Variants in SCFD2 observed in about 807,000 individuals in gnomAD.
The protein encoded by SCFD2 is sec1 family domain containing 2, also known as sec1 family domain-containing protein 2.
In SCFD2, 54 loss-of-function variants were observed where a neutral mutation model predicts 58.9. That is an observed-to-expected ratio of 0.92 (90% CI 0.74 to 1.15). The LOEUF is 1.15. Among genes scored for constraint, SCFD2 ranks in the 50% most tolerant of loss-of-function variants. The pLI is 0.00. For missense variants in SCFD2, 805 were observed against 836.6 expected (o/e 0.96, Z 0.47); for synonymous variants, 321 against 335.9 (o/e 0.96, Z 0.49).
At chr4:53,002,592 T>C (rs1344914293) in intron 5 of SCFD2, among the ~76,000 whole-genome samples, 1 of 152,190 alleles carries the variant, frequency 6.6e-6, no homozygotes, top group Non-Finnish European at 1.5e-5. Context: ...GCCCCTCCTA[T>C]GAGCCTTGAT....
rs1296866912 is a variant in SCFD2 at position 52,989,208 on chromosome 4, A to T, written c.1562-68338T>A. 4.6e-5 allele frequency among the ~76,000 whole-genome samples: 7 copies of T among 152,206 alleles called. 1 individual carries two copies. Among genetic ancestry groups the T allele is most frequent in the Admixed American group, 4.6e-4 (7 of 15,278 alleles). Reference sequence around the variant, plus strand: ...ACAAATGGAACAAGAAACTTGGATGATGTCCCTAGTTCTGTGACTAATTTG... The same window carrying T: ...ACAAATGGAACAAGAAACTTGGATGTTGTCCCTAGTTCTGTGACTAATTTG... On this transcript the variant is annotated intron_variant, in intron 5 of 8. Coordinates refer to ENST00000401642, the MANE Select transcript of SCFD2 (RefSeq NM_152540.4).
At chr4:53,105,137 G>C (rs1371163126) in intron 5 of SCFD2, among the ~76,000 whole-genome samples, 5 of 152,052 alleles carry the variant, frequency 3.3e-5, no homozygotes, top group African/African-American at 9.7e-5. Flanking sequence ...GTGCCATGAG[G>C]AATGGTGCAC....
rs191699979 is a variant in SCFD2 at position 53,313,086 on chromosome 4, T to C, written c.1135+550A>G. ...ATTCATCTAATACCAAAGACAAAGA[T>C]GGATGTGAAAAAAAACAAGAAATAG... is the stretch of plus-strand genomic sequence containing the variant. On this transcript the variant is annotated intron_variant, in intron 3 of 8. Coordinates refer to ENST00000401642, the MANE Select transcript of SCFD2 (RefSeq NM_152540.4). Among the ~76,000 whole-genome samples the C allele has an allele frequency of 2.9e-3, 438 of 151,928 alleles. 1 individual carries two copies. Among genetic ancestry groups the C allele is most frequent in the African/African-American group, 0.01 (415 of 41,418 alleles).
At chr4:53,223,045 T>C (rs1729095201) in intron 4 of SCFD2, among the ~76,000 whole-genome samples, 1 of 152,162 alleles carries the variant, frequency 6.6e-6, no homozygotes, top group South Asian at 2.1e-4. Context: ...AGAATGGAGC[T>C]AATAAGCTCA....
At chr4:53,343,596 C>G (rs1468571961) in intron 2 of SCFD2, among the ~76,000 whole-genome samples, 1 of 152,200 alleles carries the variant, frequency 6.6e-6, no homozygotes, top group Non-Finnish European at 1.5e-5. Flanking sequence ...CTCCCTCACT[C>G]ATTTTATGAG....
chr4:53,145,569 G>A lies in SCFD2; in HGVS notation c.1325C>T (p.Ser442Leu). The change falls in exon 5 of 9, where the codon TCA becomes TTA. Residue 442 changes from serine (S) to leucine (L), a missense_variant. Physicochemically the swap from Ser to Leu is moderately radical, Grantham distance 145. This residue lies in a region of SCFD2 where 633 missense variants were observed against 646.8 expected (regional missense o/e 0.98). Transcript: ENST00000401642. ...CTGATTTAACACAACGGACATTGCT[G>A]ACTCCCCAATGCTCTAAAATAAAAA... is the stretch of plus-strand genomic sequence containing the variant. ...ERLLLQSIGE[S>L]AMSVVLNQLL... 6.2e-7 allele frequency: 1 copy of A among 1,613,462 alleles called. No individual in the cohort carries two copies. The highest frequency in any genetic ancestry group is 1.1e-5 in the South Asian group (1 of 90,880).
intron 8 of SCFD2, among the ~76,000 whole-genome samples, chr4:52,883,549 T>G (rs1220513056): frequency 1.3e-5 from 2 of 152,150 alleles, no homozygotes; most frequent in Non-Finnish European, 2.9e-5. Context: ...CACTGTAGAT[T>G]CCGGGGCTCT....
At chr4:53,099,444 A>C (rs1724765696) in intron 5 of SCFD2, among the ~76,000 whole-genome samples, 1 of 152,180 alleles carries the variant, frequency 6.6e-6, no homozygotes, top group African/African-American at 2.4e-5. Context: ...TGTTGCTATG[A>C]AGGAATATCT....
intron 5 of SCFD2, among the ~76,000 whole-genome samples, chr4:53,140,021 A>G (rs527291663): frequency 1.3e-5 from 2 of 152,040 alleles, no homozygotes; most frequent in African/African-American, 4.8e-5. Flanking sequence ...GCTCGTTAAG[A>G]GTCATCACCA....
chr4:52,925,195 C>G (rs1223754925), intron 5 of SCFD2, among the ~76,000 whole-genome samples: 1 of 151,956 alleles, frequency 6.6e-6, no homozygotes, highest in Non-Finnish European at 1.5e-5. Flanking sequence ...TACAGTCTAA[C>G]TCCAAAGTTG....
At chr4:53,004,474 G>A (rs1411560139) in intron 5 of SCFD2, among the ~76,000 whole-genome samples, 5 of 152,112 alleles carry the variant, frequency 3.3e-5, no homozygotes, top group Non-Finnish European at 7.4e-5. Flanking sequence ...ACACATGCCC[G>A]GCATTTACTA....
intron 5 of SCFD2, among the ~76,000 whole-genome samples, chr4:52,973,153 G>A (rs1311341280): frequency 6.6e-6 from 1 of 152,008 alleles, no homozygotes; most frequent in African/African-American, 2.4e-5. Context: ...CAGAAGGCAA[G>A]AAATAACTAA....
chr4:52,967,587 T>C (rs1720990446), intron 5 of SCFD2, among the ~76,000 whole-genome samples: 1 of 152,220 alleles, frequency 6.6e-6, no homozygotes, highest in Non-Finnish European at 1.5e-5. Flanking sequence ...GTAATGTCTC[T>C]CAGTTCCTGC....
intron 7 of SCFD2, among the ~76,000 whole-genome samples, chr4:52,887,147 TA>T (rs1486050734): frequency 1.3e-5 from 2 of 152,202 alleles, no homozygotes; most frequent in African/African-American, 2.4e-5. Flanking sequence ...GTGGAATTAA[TA>T]AATAGTTAAA....
intron 2 of SCFD2, among the ~76,000 whole-genome samples, chr4:53,317,819 G>A (rs1732910576): frequency 6.6e-6 from 1 of 152,178 alleles, no homozygotes; most frequent in South Asian, 2.1e-4. Context: ...AATGGGGATG[G>A]TAATAGTACA....
At chr4:53,009,208 T>C (rs1296790710) in intron 5 of SCFD2, among the ~76,000 whole-genome samples, 1 of 152,230 alleles carries the variant, frequency 6.6e-6, no homozygotes, top group Non-Finnish European at 1.5e-5. Context: ...TTCACAGTGT[T>C]GGTAGCGCTT....
intron 6 of SCFD2, among the ~76,000 whole-genome samples, chr4:52,911,454 T>TGAGA: frequency 6.6e-6 from 1 of 152,332 alleles, no homozygotes; most frequent in East Asian, 1.9e-4. Flanking sequence ...ACCTCTTCAT[T>TGAGA]CTTGAGACTT....
intron 4 of SCFD2, among the ~76,000 whole-genome samples, chr4:53,202,789 T>C (rs1215762163): frequency 2.0e-5 from 3 of 152,160 alleles, no homozygotes; most frequent in Non-Finnish European, 4.4e-5. Context: ...TTTGAAGCAA[T>C]TGTGAATGGG....
intron 3 of SCFD2, among the ~76,000 whole-genome samples, chr4:53,306,032 C>T (rs1356631472): frequency 1.3e-5 from 2 of 152,100 alleles, no homozygotes; most frequent in Non-Finnish European, 2.9e-5. Context: ...TACTAAGAAG[C>T]ATAGGTAAGA....
Sources: allele counts gnomAD v4.1 joint callset (sites outside exome capture counted in the v4.1 genomes callset), GRCh38; gene constraint gnomAD v4.1.1; regional missense constraint gnomAD v4.1.1; transcripts MANE v1.5; gene names NCBI Gene and HGNC (gene_info 2026-07-23, HGNC 2026-07-21).